Variants in CLCN3 observed in about 807,000 individuals in gnomAD.
CLCN3 encodes the protein H(+)/Cl(-) exchange transporter 3.
In CLCN3, 16 loss-of-function variants were observed where a neutral mutation model predicts 83.4. The observed-to-expected ratio is 0.19, with a 90% CI of 0.13 to 0.29. The LOEUF (loss-of-function observed/expected upper bound fraction) is 0.29. CLCN3 is among the 10% of genes least tolerant of loss of function. The pLI is 1.00. For missense variants in CLCN3, 544 were observed against 1,006.0 expected (o/e 0.54, Z 6.21); for synonymous variants, 322 against 346.2 (o/e 0.93, Z 0.78).
At chr4:169,681,688 C>G (rs1731943416) in intron 3 of CLCN3, among the ~76,000 whole-genome samples, 2 of 151,996 alleles carry the variant, frequency 1.3e-5, no homozygotes, top group African/African-American at 4.8e-5. Flanking sequence ...CCATATTAGA[C>G]ACTGAAACTG....
intron 1 of CLCN3, among the ~76,000 whole-genome samples, chr4:169,629,437 C>T (rs764798053): frequency 1.3e-5 from 2 of 151,812 alleles, no homozygotes; most frequent in South Asian, 4.1e-4. Flanking sequence ...GTGGTGTGAT[C>T]TCAGCTCACT....
At chr4:169,677,245 T>C (rs1170373515) in intron 2 of CLCN3, among the ~76,000 whole-genome samples, 2 of 152,106 alleles carry the variant, frequency 1.3e-5, no homozygotes, top group African/African-American at 4.8e-5. Flanking sequence ...AAAAAATTCT[T>C]AATAGAAGTC....
intron 2 of CLCN3, among the ~76,000 whole-genome samples, chr4:169,641,651 A>G (rs945939871): frequency 6.6e-6 from 1 of 152,220 alleles, no homozygotes; most frequent in African/African-American, 2.4e-5. Flanking sequence ...TGCCTACACA[A>G]GACGTTTCAA....
Position 169,663,318 on chromosome 4 carries a change from TTG to T in CLCN3, c.161-16730_161-16729del, listed in dbSNP as rs1560842659. On this transcript the variant is annotated intron_variant, in intron 2 of 12. Coordinates refer to ENST00000513761, the MANE Select transcript of CLCN3 (RefSeq NM_001829.4). Reference sequence around the variant, plus strand: ...ATACTGTCCTAAGTGGGTTTTTTTGTTGTTGTTGTTGTTGTTGTTGTTGTTGT... The same window carrying T: ...ATACTGTCCTAAGTGGGTTTTTTTGTTTGTTGTTGTTGTTGTTGTTGTTGT... Among the ~76,000 whole-genome samples, 15 of 36,464 alleles carry T rather than the reference TTG, an allele frequency of 4.1e-4. No individual in the cohort carries two copies. The East Asian group carries it at 7.0e-3, about 17-fold the overall frequency. 23.9% of individuals were successfully genotyped at this position (36,464 alleles called of 152,430 possible).
chr4:169,678,805 T>C (rs535648770), intron 2 of CLCN3, among the ~76,000 whole-genome samples: 3 of 152,366 alleles, frequency 2.0e-5, no homozygotes, highest in Non-Finnish European at 4.4e-5. Flanking sequence ...TGGAGTCTCC[T>C]GTGTCTACTT....
intron 2 of CLCN3, among the ~76,000 whole-genome samples, chr4:169,639,413 CTG>C (rs1730337861): frequency 2.0e-5 from 3 of 152,112 alleles, no homozygotes; most frequent in South Asian, 2.1e-4. Flanking sequence ...TCAAAAATAA[CTG>C]TGTGAGTTTT....
At chr4:169,634,974 T>A (rs1222758044) in intron 1 of CLCN3, among the ~76,000 whole-genome samples, 1 of 152,190 alleles carries the variant, frequency 6.6e-6, no homozygotes, top group East Asian at 1.9e-4. Flanking sequence ...CTCTTTGAGG[T>A]TATCTTTCCA....
intron 2 of CLCN3, among the ~76,000 whole-genome samples, chr4:169,663,333 T>A (rs1432118056): frequency 6.6e-6 from 1 of 151,158 alleles, no homozygotes. Context: ...GTTGTTGTTG[T>A]TGTTGTTGTT....
At chr4:169,672,615 T>G (rs1007166617) in intron 2 of CLCN3, among the ~76,000 whole-genome samples, 4 of 152,198 alleles carry the variant, frequency 2.6e-5, no homozygotes, top group African/African-American at 9.7e-5. Flanking sequence ...TGTAATTTTT[T>G]GTACTTATCT....
intron 2 of CLCN3, chr4:169,660,406 G>A (rs1313322165): frequency 2.1e-6 from 3 of 1,404,666 alleles, no homozygotes; most frequent in East Asian, 2.8e-5. Context: ...GCCTTATGAC[G>A]GGGGAGGAGA....
chr4:169,627,091 A>G (rs1004368427), intron 1 of CLCN3, among the ~76,000 whole-genome samples: 7 of 152,062 alleles, frequency 4.6e-5, no homozygotes, highest in Admixed American at 2.6e-4. Flanking sequence ...AAAGTTCTTC[A>G]TGGTTTCCCC....
chr4:169,710,049 AAAAC>A (rs1426423823), intron 11 of CLCN3, among the ~76,000 whole-genome samples: 3 of 152,198 alleles, frequency 2.0e-5, no homozygotes, highest in Non-Finnish European at 4.4e-5. Context: ...CCCTGTCTCT[AAAAC>A]AAACAAACAA....
chr4:169,667,999 A>G (rs1731309093), intron 2 of CLCN3, among the ~76,000 whole-genome samples: 1 of 149,792 alleles, frequency 6.7e-6, no homozygotes, highest in South Asian at 2.1e-4. Flanking sequence ...TCAGCCTCCC[A>G]AAGTTCTGAG....
chr4:169,679,772 C>G lies in CLCN3; in HGVS notation c.161-278C>G, dbSNP rs571975842. Among the ~76,000 whole-genome samples the G allele has an allele frequency of 2.6e-5, 4 of 152,272 alleles. No homozygotes were observed. The East Asian group carries it at 7.7e-4, about 29-fold the overall frequency. ...AGGCGTGGCGGCGCGTGCCTGCAATCCCAGGCACTCGGCAGGCTGAGGCAG... is the reference window on the plus strand; with the variant it reads ...AGGCGTGGCGGCGCGTGCCTGCAATGCCAGGCACTCGGCAGGCTGAGGCAG... On this transcript the variant is annotated intron_variant, in intron 2 of 12. Transcript: ENST00000513761.
At chr4:169,674,734 A>T (rs895505653) in intron 2 of CLCN3, among the ~76,000 whole-genome samples, 1 of 152,058 alleles carries the variant, frequency 6.6e-6, no homozygotes, top group Non-Finnish European at 1.5e-5. Flanking sequence ...TCCTTTTAGA[A>T]GTTTTACACC....
At chr4:169,641,677 A>G (rs566895267) in intron 2 of CLCN3, among the ~76,000 whole-genome samples, 3 of 152,202 alleles carry the variant, frequency 2.0e-5, no homozygotes, top group African/African-American at 7.2e-5. Context: ...GAAGCTTGGC[A>G]AAGTAGATGC....
chr4:169,660,585 G>A (rs1250615720), intron 2 of CLCN3: 2 of 487,620 alleles, frequency 4.1e-6, no homozygotes, highest in Non-Finnish European at 3.2e-6. Context: ...TTGTTAGTAA[G>A]GGGAAAATGC....
chr4:169,719,455 C>G lies in CLCN3; in HGVS notation c.2367-452C>G, dbSNP rs921551902. Among the ~76,000 whole-genome samples, 4 of 152,082 alleles carry G rather than the reference C, an allele frequency of 2.6e-5. 1 individual carries two copies. The highest frequency in any genetic ancestry group is 9.7e-5 in the African/African-American group (4 of 41,404). ...CTCCAGCCTGGGCTACAGAGCGAGA[C>G]TCTGTCTCAAAAAATAAATAAATAA... is the stretch of plus-strand genomic sequence containing the variant. On this transcript the variant is annotated intron_variant, in intron 12 of 12. Coordinates refer to ENST00000513761, the MANE Select transcript of CLCN3 (RefSeq NM_001829.4).
chr4:169,620,931 G>T lies in CLCN3; in HGVS notation c.-149G>T, dbSNP rs996915465. On this transcript the variant is annotated 5_prime_UTR_variant, in exon 1 of 13. Coordinates refer to ENST00000513761, the MANE Select transcript of CLCN3 (RefSeq NM_001829.4). ...AAACGTCAGGTATCTTTTAAATCGC[G>T]ATAGTTTTCGCTGTGTCAGGCTTTC... 4 of 398,480 alleles carry T rather than the reference G, an allele frequency of 1.0e-5. 1 individual carries two copies. In the South Asian group the frequency reaches 3.8e-4, roughly 38 times the overall value. 24.7% of individuals were successfully genotyped at this position (398,480 alleles called of 1,614,324 possible).
Sources: gnomAD v4.1 joint callset for allele counts (sites outside exome capture counted in the v4.1 genomes callset) on GRCh38, gnomAD v4.1.1 for gene constraint, MANE v1.5 for transcripts, NCBI Gene and HGNC (gene_info 2026-07-23, HGNC 2026-07-21) for gene names.